The following DNAH6 variants were observed in gnomAD, a reference collection of about 807,000 sequenced individuals.
DNAH6 encodes dynein axonemal heavy chain 6, also known as axonemal beta dynein heavy chain 6.
A neutral mutation model predicts 491.4 loss-of-function variants in DNAH6; 340 were observed. The ratio of observed to expected loss-of-function variants is 0.69; its 90% CI spans 0.63 to 0.76. The LOEUF is 0.76. DNAH6 is among the 30% of genes least tolerant of loss of function. The pLI is 0.00. For synonymous variants in DNAH6, 1,603 were observed against 1,686.1 expected (o/e 0.95, Z 1.21); for missense variants, 4,443 against 4,972.2 (o/e 0.89, Z 3.20).
the DNAH6 span, among the ~76,000 whole-genome samples, chr2:84,497,061 G>C: frequency 0.95 from 144,332 of 151,206 alleles, 68,917 homozygotes; most frequent in East Asian, 1. Flanking sequence ...ACCTCCACCT[G>C]CCGGGTTTAA....
At chr2:84,514,867 T>TCTCACACACACACA (rs71390175), upstream of DNAH6, among the ~76,000 whole-genome samples, 9 of 139,006 alleles carry the variant, frequency 6.5e-5, no homozygotes, top group African/African-American at 1.7e-4. Flanking sequence ...TTCACCACAG[T>TCTCACACACACACA]CACACACACA....
At chr2:84,473,378 C>A in the DNAH6 span, among the ~76,000 whole-genome samples, 9 of 152,118 alleles carry the variant, frequency 5.9e-5, no homozygotes, top group Non-Finnish European at 1.2e-4. Context: ...ACGTTTTAGT[C>A]GTATTGAGAG....
At chr2:84,561,544 C>A (rs537037751) in intron 11 of DNAH6, among the ~76,000 whole-genome samples, 2 of 152,294 alleles carry the variant, frequency 1.3e-5, no homozygotes, top group Admixed American at 1.3e-4. Flanking sequence ...CAAACAGGAT[C>A]TAATTAAACT....
Position 84,624,554 on chromosome 2 carries a change from C to T in DNAH6, c.4287C>T (p.Leu1429=), listed in dbSNP as rs1193701871. Residue 1429 remains leucine (L), a synonymous_variant, in exon 28 of 77, where the codon CTC becomes CTT. Coordinates refer to ENST00000389394, the MANE Select transcript of DNAH6 (RefSeq NM_001370.2). ...ATAATTGTGTGGCTAGAATGGCGCT[C>T]TCTCAGTACACTTATGGCTATGAAT... ...DLDNCVARMA[L]SQYTYGYEYL... 1.9e-5 allele frequency: 29 copies of T among 1,551,594 alleles called. No homozygotes were observed. Among genetic ancestry groups the T allele is most frequent in the Non-Finnish European group, 2.4e-5 (27 of 1,146,966 alleles).
At chr2:84,602,999 A>C (rs1199413167) in intron 18 of DNAH6, among the ~76,000 whole-genome samples, 2 of 151,390 alleles carry the variant, frequency 1.3e-5, no homozygotes, top group Non-Finnish European at 2.9e-5. Context: ...GACATTTCCC[A>C]ACTGATTTTG....
At chr2:84,796,855 A>G (rs1216048329) in intron 69 of DNAH6, among the ~76,000 whole-genome samples, 1 of 152,232 alleles carries the variant, frequency 6.6e-6, no homozygotes, top group African/African-American at 2.4e-5. Flanking sequence ...TATTATTATT[A>G]CTACTATATA....
At chr2:84,625,472 A>G (rs1687772756) in intron 29 of DNAH6, among the ~76,000 whole-genome samples, 1 of 152,182 alleles carries the variant, frequency 6.6e-6, no homozygotes, top group Admixed American at 6.5e-5. Flanking sequence ...AGGTTTTTCA[A>G]TACAGTGGTT....
intron 64 of DNAH6, among the ~76,000 whole-genome samples, chr2:84,780,974 T>C (rs1676633189): frequency 6.6e-6 from 1 of 152,228 alleles, no homozygotes; most frequent in African/African-American, 2.4e-5. Context: ...AAAATTGTTT[T>C]TGCCTTTTGG....
chr2:84,814,058 A>T lies in DNAH6; in HGVS notation c.12086A>T (p.Gln4029Leu). Reference sequence around the variant, plus strand: ...AGCGTAATTCCCACCTATCGGGATCAAGCTGCAGTGATAGAAGCTGCCAAG... The same window carrying T: ...AGCGTAATTCCCACCTATCGGGATCTAGCTGCAGTGATAGAAGCTGCCAAG... ...KYSVIPTYRD[Q>L]AAVIEAAKTV... is the part of the protein sequence containing the mutation. The change falls in exon 75 of 77, where the codon CAA becomes CTA. Residue 4029 changes from glutamine to leucine, a missense_variant. By Grantham distance (113) the Gln-to-Leu change is moderately radical. Coordinates refer to ENST00000389394, the MANE Select transcript of DNAH6 (RefSeq NM_001370.2). The T allele has an allele frequency of 6.4e-7, 1 of 1,551,752 alleles. No homozygotes were observed. Among genetic ancestry groups the T allele is most frequent in the South Asian group, 1.2e-5 (1 of 84,064 alleles).
chr2:84,783,771 A>C (rs1165551745), intron 65 of DNAH6, among the ~76,000 whole-genome samples: 1 of 152,224 alleles, frequency 6.6e-6, no homozygotes, highest in Non-Finnish European at 1.5e-5. Flanking sequence ...ACAATGAATA[A>C]ACCACATGGT....
intron 64 of DNAH6, among the ~76,000 whole-genome samples, chr2:84,774,731 G>A (rs1364322724): frequency 6.6e-6 from 1 of 151,958 alleles, no homozygotes; most frequent in Admixed American, 6.6e-5. Flanking sequence ...TCTCCTGGTG[G>A]TATTTTGCAG....
At chr2:84,801,989 C>A (rs1055533295) in intron 70 of DNAH6, among the ~76,000 whole-genome samples, 6 of 152,070 alleles carry the variant, frequency 3.9e-5, no homozygotes, top group South Asian at 2.1e-4. Flanking sequence ...CAAATAAAAT[C>A]TTTCCCAAGC....
chr2:84,649,545 G>A (rs1454786224), intron 33 of DNAH6, among the ~76,000 whole-genome samples: 2 of 152,094 alleles, frequency 1.3e-5, no homozygotes, highest in Non-Finnish European at 1.5e-5. Context: ...TATTTCCCCT[G>A]GATATAGGAT....
the DNAH6 span, among the ~76,000 whole-genome samples, chr2:84,480,119 G>C: frequency 6.6e-6 from 1 of 152,134 alleles, no homozygotes; most frequent in Non-Finnish European, 1.5e-5. Context: ...GCCTTTACTT[G>C]ATTTGGCTTT....
At chr2:84,769,016 T>A (rs1675357756) in intron 64 of DNAH6, among the ~76,000 whole-genome samples, 1 of 152,216 alleles carries the variant, frequency 6.6e-6, no homozygotes, top group South Asian at 2.1e-4. Flanking sequence ...GGTGCAAAAC[T>A]CTACTTGTTA....
intron 70 of DNAH6, among the ~76,000 whole-genome samples, chr2:84,802,839 A>G (rs958650091): frequency 7.9e-5 from 12 of 152,210 alleles, no homozygotes; most frequent in African/African-American, 2.9e-4. Flanking sequence ...AATTTAAAAA[A>G]TCAAAATTAT....
At chr2:84,806,508 A>G (rs1376485616) in intron 71 of DNAH6, among the ~76,000 whole-genome samples, 1 of 150,642 alleles carries the variant, frequency 6.6e-6, no homozygotes, top group East Asian at 2.0e-4. Flanking sequence ...AGTCCCAGCT[A>G]CTCTGGAGGC....
At chr2:84,781,734 T>A in intron 65 of DNAH6, 81 bp downstream of exon 65, 1 of 1,423,576 alleles carries the variant, frequency 7.0e-7, no homozygotes, top group Non-Finnish European at 9.3e-7. Flanking sequence ...TTATAGTAAT[T>A]CATTATTGTA....
intron 72 of DNAH6, among the ~76,000 whole-genome samples, chr2:84,808,810 A>C (rs1210749705): frequency 6.6e-6 from 1 of 152,204 alleles, no homozygotes; most frequent in Non-Finnish European, 1.5e-5. Context: ...GACTCACTAG[A>C]AATTGTTCAG....
Sources: allele counts gnomAD v4.1 joint callset (sites outside exome capture counted in the v4.1 genomes callset), GRCh38; gene constraint gnomAD v4.1.1; transcripts MANE v1.5; gene names NCBI Gene and HGNC (gene_info 2026-07-23, HGNC 2026-07-21).